The following ATP11B variants were observed in gnomAD, a reference collection of about 807,000 sequenced individuals.
ATP11B encodes the protein ATPase phospholipid transporting 11B (putative), also known as phospholipid-transporting ATPase IF.
Under a neutral mutation model 157.8 loss-of-function variants are expected in ATP11B, and 81 were observed. That is an observed-to-expected ratio of 0.51 (90% CI 0.43 to 0.62). The LOEUF is 0.62. Ranked by LOEUF, ATP11B falls within the 20% of genes least tolerant of loss-of-function variation. The pLI is 0.00. For synonymous variants in ATP11B, 451 were observed against 469.4 expected (o/e 0.96, Z 0.51); for missense variants, 1,165 against 1,402.2 (o/e 0.83, Z 2.70).
chr3:182,825,611 T>C (rs1238187061), intron 2 of ATP11B, among the ~76,000 whole-genome samples: 1 of 151,510 alleles, frequency 6.6e-6, no homozygotes, highest in Non-Finnish European at 1.5e-5. Flanking sequence ...TAGTCCCAGC[T>C]ACTTGGGAGG....
At chr3:182,905,577 C>G (rs574321477) in intron 28 of ATP11B, among the ~76,000 whole-genome samples, 2 of 152,288 alleles carry the variant, frequency 1.3e-5, no homozygotes, top group African/African-American at 4.8e-5. Flanking sequence ...TTAGTTAGAG[C>G]TTCGTGCACT....
chr3:182,808,635 A>G (rs531293338), intron 1 of ATP11B, among the ~76,000 whole-genome samples: 106 of 152,300 alleles, frequency 7.0e-4, no homozygotes, highest in African/African-American at 2.5e-3. Context: ...TCAGTGGTCT[A>G]TGGCAAAATG....
At chr3:182,901,885 CTA>C (rs1723994278) in intron 28 of ATP11B, among the ~76,000 whole-genome samples, 1 of 151,870 alleles carries the variant, frequency 6.6e-6, no homozygotes. Context: ...ATCATTTTAT[CTA>C]TGTGTAAAAG....
chr3:182,904,913 G>A (rs7611937), intron 28 of ATP11B, among the ~76,000 whole-genome samples: 14,406 of 72,824 alleles, frequency 0.2, 1,336 homozygotes, highest in African/African-American at 0.48. Context: ...AAAAAAAAAA[G>A]GATTAATTCA....
intron 1 of ATP11B, among the ~76,000 whole-genome samples, chr3:182,804,063 A>G (rs1390847391): frequency 1.3e-5 from 2 of 152,096 alleles, no homozygotes; most frequent in African/African-American, 4.8e-5. Flanking sequence ...GCTCCATGGA[A>G]AATAGTTCTA....
Position 182,913,858 on chromosome 3 carries a change from C to T in ATP11B, c.3319-3C>T. 1 of 1,614,076 alleles carries T rather than the reference C, an allele frequency of 6.2e-7. No homozygotes were observed. Among genetic ancestry groups the T allele is most frequent in the Non-Finnish European group, 8.5e-7 (1 of 1,179,918 alleles). On this transcript the variant is annotated splice_region_variant and splice_polypyrimidine_tract_variant and intron_variant, in intron 28 of 29. Coordinates refer to ENST00000323116, the MANE Select transcript of ATP11B (RefSeq NM_014616.3). ...CTGATGTTTTCTGCTTCACCTCCCG[C>T]AGCTTACTGAAACAAATGCAGGTAT...
chr3:182,893,012 C>G (rs1271602096), intron 25 of ATP11B, among the ~76,000 whole-genome samples: 1 of 152,092 alleles, frequency 6.6e-6, no homozygotes, highest in Non-Finnish European at 1.5e-5. Flanking sequence ...TAAAATTTGC[C>G]TAGCCCTTAT....
chr3:182,841,931 A>G (rs1331383092), intron 7 of ATP11B, 144 bp from the exon 8 acceptor site: 1 of 504,880 alleles, frequency 2.0e-6, no homozygotes, highest in Non-Finnish European at 3.5e-6. Context: ...GTGAGCCGAG[A>G]TCGCACCACT....
intron 17 of ATP11B, among the ~76,000 whole-genome samples, chr3:182,871,880 A>G (rs1295901947): frequency 1.3e-5 from 2 of 151,014 alleles, no homozygotes; most frequent in Admixed American, 6.6e-5. Context: ...CAGTGATGCT[A>G]TTTCGGCTCA....
At chr3:182,846,154 G>A (rs1275126736) in intron 9 of ATP11B, among the ~76,000 whole-genome samples, 3 of 152,128 alleles carry the variant, frequency 2.0e-5, no homozygotes, top group Non-Finnish European at 4.4e-5. Flanking sequence ...TTCAGGAATG[G>A]CCCTTAGTAT....
Position 182,880,952 on chromosome 3 carries a change from G to A in ATP11B, c.2480G>A (p.Ser827Asn), listed in dbSNP as rs1722380754. The A allele has an allele frequency of 6.3e-7, 1 of 1,595,596 alleles. No individual in the cohort carries two copies. Among genetic ancestry groups the A allele is most frequent in the Non-Finnish European group, 8.5e-7 (1 of 1,172,176 alleles). The change falls in exon 21 of 30, where the codon AGC (serine) becomes AAC (asparagine). Residue 827 changes from serine (S) to asparagine (N), a missense_variant. By Grantham distance (46) the Ser-to-Asn change is conservative. This residue lies in a region of ATP11B where 737 missense variants were observed against 930.5 expected (regional missense o/e 0.79). Transcript: ENST00000323116. ...GTTGGTGATGGTGCTAATGACGTAA[G>A]CATGATACAAGAAGCCCATGTTGGC... Reference protein sequence around the residue: ...LAVGDGANDVSMIQEAHVGIG... With the variant: ...LAVGDGANDVNMIQEAHVGIG...
chr3:182,908,191 A>ATTT (rs1724508207), intron 28 of ATP11B, among the ~76,000 whole-genome samples: 17 of 95,748 alleles, frequency 1.8e-4, no homozygotes, highest in Non-Finnish European at 2.8e-4. Context: ...TCATATTATT[A>ATTT]TTTTCTTTTT....
intron 1 of ATP11B, among the ~76,000 whole-genome samples, chr3:182,815,626 CTTT>C (rs1273639635): frequency 6.6e-6 from 1 of 151,974 alleles, no homozygotes; most frequent in Non-Finnish European, 1.5e-5. Flanking sequence ...CCTGAAGCTG[CTTT>C]TTGTTTTTGT....
At chr3:182,828,471 G>C (rs1293420372) in intron 3 of ATP11B, among the ~76,000 whole-genome samples, 1 of 151,998 alleles carries the variant, frequency 6.6e-6, no homozygotes, top group Non-Finnish European at 1.5e-5. Context: ...TCTTAGCTAA[G>C]AGTGTAACCT....
chr3:182,795,029 A>G (rs1318427544), intron 1 of ATP11B, among the ~76,000 whole-genome samples: 3 of 143,936 alleles, frequency 2.1e-5, no homozygotes, highest in Non-Finnish European at 4.5e-5. Context: ...AGCGGGCATC[A>G]TTCTCAAAAA....
intron 8 of ATP11B, among the ~76,000 whole-genome samples, chr3:182,842,445 G>C (rs1719123630): frequency 6.6e-6 from 1 of 152,138 alleles, no homozygotes; most frequent in Non-Finnish European, 1.5e-5. Context: ...ACTGGGGAAG[G>C]GTTGTGGAGC....
At chr3:182,835,988 T>C (rs953120014) in intron 4 of ATP11B, 47 bp from the exon 5 acceptor site, 1 of 1,483,798 alleles carries the variant, frequency 6.7e-7, no homozygotes, top group Middle Eastern at 1.8e-4. Flanking sequence ...TAAAAGTATC[T>C]TCAAATTATA....
intron 28 of ATP11B, among the ~76,000 whole-genome samples, chr3:182,907,071 C>G (rs576156004): frequency 6.9e-6 from 1 of 145,842 alleles, no homozygotes; most frequent in East Asian, 2.0e-4. Context: ...CCAGCCTGAG[C>G]GACAGAGTGA....
intron 2 of ATP11B, among the ~76,000 whole-genome samples, chr3:182,820,742 G>T (rs886989485): frequency 6.6e-6 from 1 of 152,100 alleles, no homozygotes; most frequent in African/African-American, 2.4e-5. Context: ...GTGTGTGTGT[G>T]TATTTATTTA....
Sources: allele counts gnomAD v4.1 joint callset (sites outside exome capture counted in the v4.1 genomes callset), GRCh38; gene constraint gnomAD v4.1.1; regional missense constraint gnomAD v4.1.1; transcripts MANE v1.5; gene names NCBI Gene and HGNC (gene_info 2026-07-23, HGNC 2026-07-21).